Variants in PRDM6 observed in about 807,000 individuals in gnomAD.
PRDM6 encodes putative histone-lysine N-methyltransferase PRDM6.
In PRDM6, 25 loss-of-function variants were observed where a neutral mutation model predicts 60.8. The ratio of observed to expected loss-of-function variants is 0.41; its 90% CI spans 0.30 to 0.57. The LOEUF (loss-of-function observed/expected upper bound fraction) is 0.57, where lower values mean the gene tolerates loss of function less well. Among genes scored for constraint, PRDM6 ranks in the 20% least tolerant of loss-of-function variants. PRDM6 has a pLI of 0.27. For synonymous variants in PRDM6, 407 were observed against 357.4 expected (o/e 1.14, Z -1.57); for missense variants, 839 against 821.3 (o/e 1.02, Z -0.26).
intron 7 of PRDM6, among the ~76,000 whole-genome samples, chr5:123,182,874 T>G (rs956173013): frequency 6.6e-6 from 1 of 152,176 alleles, no homozygotes; most frequent in Non-Finnish European, 1.5e-5. Flanking sequence ...GAGTGTATGC[T>G]TATTTTGAAA....
At chr5:123,125,080 T>C (rs1336152343) in intron 3 of PRDM6, among the ~76,000 whole-genome samples, 1 of 143,846 alleles carries the variant, frequency 7.0e-6, no homozygotes, top group Non-Finnish European at 1.5e-5. Context: ...TTTTTTTGAA[T>C]CTTGTGTTGC....
Position 123,137,129 on chromosome 5 carries a change from T to C in PRDM6, c.901-18755T>C, listed in dbSNP as rs116645060. 4.9e-3 allele frequency among the ~76,000 whole-genome samples: 741 copies of C among 152,336 alleles called. 9 individuals carry two copies. Among genetic ancestry groups the C allele is most frequent in the African/African-American group, 0.017 (715 of 41,580 alleles). The stretch of plus-strand genomic sequence containing the variant: ...CCTGACATGAGGTAAGCAGCAGATA[T>C]GTGTTTGCTGTCATTTCACAATATA... On this transcript the variant is annotated intron_variant, in intron 3 of 7. Transcript: ENST00000407847.
At position 123,180,636 on chromosome 5, in the gene PRDM6, C is replaced by T. The variant is rs527372221; in HGVS notation, c.1673+313C>T. Among the ~76,000 whole-genome samples the T allele has an allele frequency of 5.8e-4, 89 of 152,276 alleles. 1 individual carries two copies. Among genetic ancestry groups the T allele is most frequent in the Admixed American group, 5.6e-3 (85 of 15,294 alleles). On this transcript the variant is annotated intron_variant, in intron 7 of 7. Transcript: ENST00000407847. ...AATATTTTTTTCAGTCCCTGATGATCTGTGCTTCTGGAATTTTATCTAGGA... is the reference window on the plus strand; with the variant it reads ...AATATTTTTTTCAGTCCCTGATGATTTGTGCTTCTGGAATTTTATCTAGGA...
intron 5 of PRDM6, among the ~76,000 whole-genome samples, chr5:123,167,419 C>T (rs1580533376): frequency 1.4e-5 from 2 of 146,610 alleles, no homozygotes. Flanking sequence ...GACGGAGTTT[C>T]ACTCTTGTTA....
intron 2 of PRDM6, among the ~76,000 whole-genome samples, chr5:123,093,453 ATTTT>A (rs1763888528): frequency 6.6e-6 from 1 of 152,150 alleles, no homozygotes; most frequent in Non-Finnish European, 1.5e-5. Context: ...GTTCTAAAAG[ATTTT>A]AAAACAGCAG....
Position 123,099,716 on chromosome 5 carries a change from C to G in PRDM6, c.655C>G (p.Leu219Val). 6.5e-7 allele frequency: 1 copy of G among 1,530,286 alleles called. No individual in the cohort carries two copies. The highest frequency in any genetic ancestry group is 8.8e-7 in the Non-Finnish European group (1 of 1,138,888). The allele number at this position is 1,530,286 out of a possible 1,614,324, so 94.8% of individuals were successfully genotyped here. Residue 219 changes from leucine (L) to valine (V), a missense_variant, in exon 3 of 8, where the codon CTG becomes GTG. Leu to Val is a conservative substitution (Grantham distance 32). This residue lies in a region of PRDM6 where 730 missense variants were observed against 648.8 expected (regional missense o/e 1.13). Coordinates refer to ENST00000407847, the MANE Select transcript of PRDM6 (RefSeq NM_001136239.4). This position sits in a 1 kb window ranked among gnomAD's most constrained non-coding sequence, Gnocchi z 4.0. ...ECPMHGPLHSLRRLVGTSSAA... is the reference protein window; with the variant it reads ...ECPMHGPLHSVRRLVGTSSAA... ...CCCTATGCATGGGCCACTGCACTCG[C>G]TGCGCCGGCTTGTGGGCACCAGCAG...
At chr5:123,148,214 A>C (rs1276306789) in intron 3 of PRDM6, among the ~76,000 whole-genome samples, 1 of 152,240 alleles carries the variant, frequency 6.6e-6, no homozygotes, top group Non-Finnish European at 1.5e-5. Flanking sequence ...GAACTTGATG[A>C]ATGTGAATTG....
rs77344036 is a variant in PRDM6 at position 123,159,935 on chromosome 5, C to T, written c.1153+297C>T. The stretch of plus-strand genomic sequence containing the variant: ...TATTCACTGAGTACCTACTATGTGT[C>T]TGGTTCTATGCTTGCCACCTTAGGG... On this transcript the variant is annotated intron_variant, in intron 5 of 7. Coordinates refer to ENST00000407847, the MANE Select transcript of PRDM6 (RefSeq NM_001136239.4). Among the ~76,000 whole-genome samples, 80 of 152,280 alleles carry T rather than the reference C, an allele frequency of 5.3e-4. No homozygotes were observed. The East Asian group carries it at 0.014, about 26-fold the overall frequency.
chr5:123,107,573 A>G (rs1019422978), intron 3 of PRDM6, among the ~76,000 whole-genome samples: 1 of 152,252 alleles, frequency 6.6e-6, no homozygotes, highest in African/African-American at 2.4e-5. Flanking sequence ...AGTACAAAGT[A>G]ACTGACTTTG....
chr5:123,163,873 G>T (rs1765688769), intron 5 of PRDM6, among the ~76,000 whole-genome samples: 1 of 152,168 alleles, frequency 6.6e-6, no homozygotes, highest in African/African-American at 2.4e-5. Context: ...GGGAGTTGCT[G>T]CACTGGAGTA....
chr5:123,181,068 T>C (rs879805565), intron 7 of PRDM6, among the ~76,000 whole-genome samples: 10 of 152,352 alleles, frequency 6.6e-5, no homozygotes, highest in South Asian at 6.2e-4. Context: ...TGCAAGATGG[T>C]CTATTCATTC....
intron 3 of PRDM6, among the ~76,000 whole-genome samples, chr5:123,126,203 T>C (rs1183624264): frequency 6.6e-6 from 1 of 152,122 alleles, no homozygotes. Flanking sequence ...CATGCATAAG[T>C]AGGCCCAATC....
chr5:123,109,640 T>TA (rs754495393), intron 3 of PRDM6, among the ~76,000 whole-genome samples: 33 of 152,146 alleles, frequency 2.2e-4, no homozygotes, highest in African/African-American at 3.9e-4. Flanking sequence ...ACATGGATGT[T>TA]AAAAAAAACC....
At chr5:123,111,592 G>A (rs181518726) in intron 3 of PRDM6, among the ~76,000 whole-genome samples, 2,893 of 152,184 alleles carry the variant, frequency 0.019, 84 homozygotes, top group African/African-American at 0.066. Flanking sequence ...CAGCTACTCG[G>A]GAGCCTGAGG....
In PRDM6 at chr5:123,092,041, A is replaced by C. The variant is rs184878346; in HGVS notation, c.592+1435A>C. 2.0e-5 allele frequency among the ~76,000 whole-genome samples: 3 copies of C among 152,328 alleles called. No individual in the cohort carries two copies. The East Asian group carries it at 5.8e-4, about 29-fold the overall frequency. On this transcript the variant is annotated intron_variant, in intron 2 of 7. Coordinates refer to ENST00000407847, the MANE Select transcript of PRDM6 (RefSeq NM_001136239.4). ...GGAGATAATAATTACCAACAGAAAG[A>C]GCAATCGTATTTACTTTTTTCTTTA...
intron 3 of PRDM6, among the ~76,000 whole-genome samples, chr5:123,117,524 G>T (rs1224528651): frequency 1.3e-5 from 2 of 152,168 alleles, no homozygotes; most frequent in Admixed American, 6.5e-5. Context: ...GTTTGTGTCT[G>T]AAAAGTTTAA....
rs186656419 is a variant in PRDM6 at position 123,189,725 on chromosome 5, G to A, written c.*2524G>A. 2.8e-4 allele frequency: 43 copies of A among 152,196 alleles called. 1 individual carries two copies. In the East Asian group the frequency reaches 5.8e-3, roughly 20 times the overall value. 9.4% of individuals were successfully genotyped at this position (152,196 alleles called of 1,614,324 possible). On this transcript the variant is annotated 3_prime_UTR_variant, in exon 8 of 8. Transcript: ENST00000407847. ...AAAATTGGATACTCTAATTTTCCAG[G>A]CATGTGGGCACATTCACAATTTTTA... is the stretch of plus-strand genomic sequence containing the variant.
chr5:123,124,546 A>T (rs380148), intron 3 of PRDM6, among the ~76,000 whole-genome samples: 138,063 of 152,294 alleles, frequency 0.91, 62,793 homozygotes, highest in East Asian at 0.99. Context: ...AATGGAATAA[A>T]TCTGTTCTTT....
At chr5:123,141,579 G>C (rs1264140661) in intron 3 of PRDM6, among the ~76,000 whole-genome samples, 1 of 152,026 alleles carries the variant, frequency 6.6e-6, no homozygotes, top group Non-Finnish European at 1.5e-5. Flanking sequence ...GAATGAGCTT[G>C]GAGAAATTAA....
Sources: allele counts gnomAD v4.1 joint callset (sites outside exome capture counted in the v4.1 genomes callset), GRCh38; gene constraint gnomAD v4.1.1; regional missense constraint gnomAD v4.1.1; non-coding constraint Gnocchi (gnomAD v3.1); transcripts MANE v1.5; gene names NCBI Gene and HGNC (gene_info 2026-07-23, HGNC 2026-07-21).